Variants in RGS5 observed in about 807,000 individuals in gnomAD.
RGS5 encodes the protein regulator of G protein signaling 5.
In RGS5, 20 loss-of-function variants were observed where a neutral mutation model predicts 18.9. The observed-to-expected ratio is 1.06, with a 90% CI of 0.74 to 1.54. The LOEUF is 1.54. Ranked by LOEUF, RGS5 falls within the 40% of genes most tolerant of loss-of-function variation. The pLI, the probability that RGS5 is intolerant of heterozygous loss-of-function variation, is 0.00. For missense variants in RGS5, 201 were observed against 211.8 expected (o/e 0.95, Z 0.32); for synonymous variants, 57 against 76.2 (o/e 0.75, Z 1.31).
At chr1:163,243,901 C>A (rs1647865150) in intron 2 of RGS5, among the ~76,000 whole-genome samples, 1 of 151,918 alleles carries the variant, frequency 6.6e-6, no homozygotes, top group South Asian at 2.1e-4. Flanking sequence ...AGGACATGGG[C>A]CTTAGAATCA....
chr1:163,289,748 G>A (rs920122230), intron 2 of RGS5, among the ~76,000 whole-genome samples: 23 of 152,024 alleles, frequency 1.5e-4, no homozygotes, highest in Non-Finnish European at 2.5e-4. Flanking sequence ...GCAACTATAC[G>A]CCATCTCATA....
At chr1:163,293,254 G>A (rs1353103995) in intron 2 of RGS5, among the ~76,000 whole-genome samples, 1 of 152,106 alleles carries the variant, frequency 6.6e-6, no homozygotes, top group Non-Finnish European at 1.5e-5. Context: ...ACCTAAGACT[G>A]GGTATTTATA....
chr1:163,157,180 C>T (rs1353963182), intron 3 of RGS5, among the ~76,000 whole-genome samples: 4 of 152,176 alleles, frequency 2.6e-5, no homozygotes, highest in East Asian at 1.9e-4. Context: ...CACATAAAAA[C>T]TTTGCTGCTT....
intron 2 of RGS5, among the ~76,000 whole-genome samples, chr1:163,287,156 G>T (rs1649165532): frequency 6.6e-6 from 1 of 152,132 alleles, no homozygotes; most frequent in South Asian, 2.1e-4. Context: ...TTCCTATGGA[G>T]AAATTTTCTG....
chr1:163,147,648 T>C lies in RGS5; in HGVS notation c.385-145A>G, dbSNP rs1557877901. 2.0e-5 allele frequency: 15 copies of C among 744,484 alleles called. No individual in the cohort carries two copies. In the South Asian group the frequency reaches 4.3e-4, roughly 21 times the overall value. 46.1% of individuals were successfully genotyped at this position (744,484 alleles called of 1,614,324 possible). A position where few individuals can be genotyped will look rare whatever the true frequency, so the allele number is the denominator to read the frequency against. On this transcript the variant is annotated intron_variant, in intron 4 of 4. Coordinates refer to ENST00000313961, the MANE Select transcript of RGS5 (RefSeq NM_003617.4). Reference sequence around the variant, plus strand: ...CTGAGACATGTCACTTCTCACTTTATAGGCGATGGGATAAGGCAGCTGATG... The same window carrying C: ...CTGAGACATGTCACTTCTCACTTTACAGGCGATGGGATAAGGCAGCTGATG...
chr1:163,162,003 G>T, intron 2 of RGS5, 27 bp from the exon 3 acceptor site: 1 of 1,571,472 alleles, frequency 6.4e-7, no homozygotes, highest in Non-Finnish European at 8.8e-7. Flanking sequence ...GAGAGAAAAG[G>T]GGTATGGCGT....
intron 1 of RGS5, among the ~76,000 whole-genome samples, chr1:163,195,333 C>T (rs1339641507): frequency 6.6e-6 from 1 of 151,890 alleles, no homozygotes; most frequent in Non-Finnish European, 1.5e-5. Context: ...AATGGAAAAC[C>T]ACATATTGCA....
intron 2 of RGS5, among the ~76,000 whole-genome samples, chr1:163,268,375 C>G (rs1268852670): frequency 6.6e-6 from 1 of 152,064 alleles, no homozygotes; most frequent in Non-Finnish European, 1.5e-5. Context: ...GACTAGAAAA[C>G]AGGTGTGAGA....
chr1:163,212,167 G>A (rs1660121050), intron 1 of RGS5: 1 of 152,076 alleles, frequency 6.6e-6, no homozygotes, highest in African/African-American at 2.4e-5. Flanking sequence ...TTGAATAGAT[G>A]GCCTCTAAGT....
At chr1:163,188,809 T>G (rs1247967289) in intron 1 of RGS5, among the ~76,000 whole-genome samples, 1 of 148,398 alleles carries the variant, frequency 6.7e-6, no homozygotes, top group East Asian at 2.0e-4. Flanking sequence ...AATACAAAAA[T>G]TAGCGTGGTG....
chr1:163,310,000 T>C lies in RGS5; in HGVS notation c.-377-3671A>G, dbSNP rs1304741565. ...GACTAGGAACATTATTAATGAGCAG[T>C]AATATGAAATAAATCTCTTTTTTCC... On this transcript the variant is annotated intron_variant, in intron 1 of 5. Coordinates refer to the RGS5 transcript ENST00000618415. Among the ~76,000 whole-genome samples, 3 of 152,220 alleles carry C rather than the reference T, an allele frequency of 2.0e-5. No individual in the cohort carries two copies. The East Asian group carries it at 5.8e-4, about 29-fold the overall frequency.
chr1:163,210,206 C>T (rs34726114), intron 1 of RGS5, among the ~76,000 whole-genome samples: 25,286 of 151,806 alleles, frequency 0.17, 2,176 homozygotes, highest in Non-Finnish European at 0.18. Context: ...TCCATGTTGC[C>T]CATGCTGGTC....
intron 3 of RGS5, among the ~76,000 whole-genome samples, chr1:163,155,724 C>A (rs527755166): frequency 6.6e-6 from 1 of 152,292 alleles, no homozygotes; most frequent in South Asian, 2.1e-4. Context: ...GCCCTACAAC[C>A]ATTCCTCTAC....
intron 1 of RGS5, among the ~76,000 whole-genome samples, chr1:163,174,700 T>C (rs1428159463): frequency 6.6e-6 from 1 of 152,172 alleles, no homozygotes; most frequent in African/African-American, 2.4e-5. Context: ...TTGCAATCAC[T>C]AGCAATCTGA....
chr1:163,223,559 C>T (rs1394120965), intron 2 of RGS5, among the ~76,000 whole-genome samples: 2 of 152,134 alleles, frequency 1.3e-5, no homozygotes, highest in Non-Finnish European at 2.9e-5. Context: ...CCTTTGGCTT[C>T]CTTTCTCTTT....
chr1:163,162,048 T>G, intron 2 of RGS5, 72 bp from the exon 3 acceptor site: 1 of 981,320 alleles, frequency 1.0e-6, no homozygotes, highest in Non-Finnish European at 1.7e-6. Context: ...CAGCAATAAC[T>G]ACTTCCTGTT....
chr1:163,299,734 T>C lies in RGS5; in HGVS notation c.-281+6499A>G, dbSNP rs558359416. ...GGAGATAAAACATTCTGAGAAATAA[T>C]AGTTTAAATTCTCTGTTTTCTAGTA... On this transcript the variant is annotated intron_variant, in intron 2 of 5. Transcript: ENST00000618415. Among the ~76,000 whole-genome samples, 35 of 152,316 alleles carry C rather than the reference T, an allele frequency of 2.3e-4. No individual in the cohort carries two copies. In the South Asian group the frequency reaches 6.2e-3, roughly 27 times the overall value.
At chr1:163,251,098 T>G (rs1246584275) in intron 2 of RGS5, among the ~76,000 whole-genome samples, 1 of 152,126 alleles carries the variant, frequency 6.6e-6, no homozygotes, top group Non-Finnish European at 1.5e-5. Flanking sequence ...AGTAATACAT[T>G]TTATAATTTT....
chr1:163,307,009 A>G (rs1477440342), intron 1 of RGS5, among the ~76,000 whole-genome samples: 3 of 152,210 alleles, frequency 2.0e-5, no homozygotes, highest in Non-Finnish European at 4.4e-5. Flanking sequence ...AAACTGATGC[A>G]TTATACCTTA....
Sources: gnomAD v4.1 joint callset for allele counts (sites outside exome capture counted in the v4.1 genomes callset) on GRCh38, gnomAD v4.1.1 for gene constraint, MANE v1.5 for transcripts, NCBI Gene and HGNC (gene_info 2026-07-23, HGNC 2026-07-21) for gene names.